AUTS2: variants seen among roughly 807,000 people sequenced by gnomAD.
AUTS2 encodes autism susceptibility gene 2 protein.
In AUTS2, 17 loss-of-function variants were observed where a neutral mutation model predicts 112.4. The ratio of observed to expected loss-of-function variants is 0.15; its 90% CI spans 0.10 to 0.23. The LOEUF (loss-of-function observed/expected upper bound fraction) is 0.23, where lower values mean the gene tolerates loss of function less well. Among genes scored for constraint, AUTS2 ranks in the 10% least tolerant of loss-of-function variants. AUTS2 has a pLI of 1.00. For missense variants in AUTS2, 1,510 were observed against 1,701.6 expected, an observed-to-expected ratio of 0.89 and a Z score of 1.98; for synonymous variants, 751 against 702.7, an observed-to-expected ratio of 1.07 and a Z score of -1.09.
At chr7:69,886,131 A>G (rs1794260146) in intron 1 of AUTS2, among the ~76,000 whole-genome samples, 1 of 152,212 alleles carries the variant, frequency 6.6e-6, no homozygotes. Flanking sequence ...CCCTACATTT[A>G]TAGGTATTGA....
At chr7:70,661,714 T>A (rs1380081959) in intron 5 of AUTS2, among the ~76,000 whole-genome samples, 1 of 151,758 alleles carries the variant, frequency 6.6e-6, no homozygotes, top group African/African-American at 2.4e-5. Flanking sequence ...AATCTGTAGA[T>A]CTGTAGATCG....
intron 1 of AUTS2, among the ~76,000 whole-genome samples, chr7:69,876,767 C>T (rs1309257884): frequency 6.6e-6 from 1 of 151,640 alleles, no homozygotes; most frequent in Non-Finnish European, 1.5e-5. Context: ...AGTACATTGA[C>T]CTAGTAGTAT....
At chr7:70,055,427 T>C (rs921665293) in intron 2 of AUTS2, among the ~76,000 whole-genome samples, 13 of 151,178 alleles carry the variant, frequency 8.6e-5, no homozygotes, top group Admixed American at 7.9e-4. Flanking sequence ...AGAGCAAAAC[T>C]CCATCTCAAA....
At chr7:69,817,868 A>G (rs1790830516) in intron 1 of AUTS2, among the ~76,000 whole-genome samples, 1 of 152,126 alleles carries the variant, frequency 6.6e-6, no homozygotes, top group Non-Finnish European at 1.5e-5. Flanking sequence ...AAGCTACCTA[A>G]TAATATCTTT....
chr7:70,689,449 C>G (rs1808636182), intron 5 of AUTS2, among the ~76,000 whole-genome samples: 1 of 151,978 alleles, frequency 6.6e-6, no homozygotes, highest in African/African-American at 2.4e-5. Context: ...CTGACCCTGT[C>G]TGGAGGGATT....
At chr7:70,742,713 G>A (rs1788189776) in intron 6 of AUTS2, among the ~76,000 whole-genome samples, 1 of 152,192 alleles carries the variant, frequency 6.6e-6, no homozygotes, top group African/African-American at 2.4e-5. Context: ...AGTGAGCCGA[G>A]ATCGCGCCCT....
At chr7:69,740,209 T>C (rs191447660) in intron 1 of AUTS2, among the ~76,000 whole-genome samples, 90 of 151,968 alleles carry the variant, frequency 5.9e-4, no homozygotes, top group South Asian at 1.0e-3. Flanking sequence ...GCTTCTTCGA[T>C]GTTCTGTGGA....
chr7:70,282,141 G>A (rs1049851529), intron 4 of AUTS2, among the ~76,000 whole-genome samples: 9 of 152,130 alleles, frequency 5.9e-5, no homozygotes, highest in Admixed American at 6.5e-5. Flanking sequence ...TGTGGGGCTT[G>A]CCTTGTTTCA....
intron 1 of AUTS2, among the ~76,000 whole-genome samples, chr7:69,617,864 G>C (rs1793461325): frequency 6.6e-6 from 1 of 152,132 alleles, no homozygotes; most frequent in African/African-American, 2.4e-5. Context: ...GAATTCCAGT[G>C]CCCAGTCATC....
At chr7:70,000,374 G>A (rs1225051790) in intron 2 of AUTS2, among the ~76,000 whole-genome samples, 3 of 152,132 alleles carry the variant, frequency 2.0e-5, no homozygotes, top group Non-Finnish European at 4.4e-5. Context: ...CTGTTCTCTG[G>A]CATTTAAATA....
At chr7:70,569,916 C>G (rs1024696152) in intron 5 of AUTS2, among the ~76,000 whole-genome samples, 1 of 151,238 alleles carries the variant, frequency 6.6e-6, no homozygotes, top group African/African-American at 2.4e-5. Flanking sequence ...TTTTTTTCTC[C>G]CAAAACAAAA....
intron 1 of AUTS2, among the ~76,000 whole-genome samples, chr7:69,728,310 T>C (rs1786616494): frequency 6.6e-6 from 1 of 152,228 alleles, no homozygotes; most frequent in South Asian, 2.1e-4. Context: ...CCTGCTGCAG[T>C]GCAGCCAACA....
At chr7:69,755,949 C>T (rs963063200) in intron 1 of AUTS2, among the ~76,000 whole-genome samples, 3 of 152,182 alleles carry the variant, frequency 2.0e-5, no homozygotes, top group African/African-American at 4.8e-5. Flanking sequence ...CCCTGGATGC[C>T]ATGCACCATC....
At chr7:70,711,555 T>C (rs979281575) in intron 6 of AUTS2, among the ~76,000 whole-genome samples, 11 of 152,306 alleles carry the variant, frequency 7.2e-5, no homozygotes, top group African/African-American at 2.6e-4. Flanking sequence ...CTGCCATCAG[T>C]GTCGGAGCAC....
At chr7:70,363,969 G>T (rs2129627940) in intron 4 of AUTS2, among the ~76,000 whole-genome samples, 1 of 152,258 alleles carries the variant, frequency 6.6e-6, no homozygotes, top group South Asian at 2.1e-4. Context: ...CAGAGCCAGA[G>T]ACCATGCCTT....
intron 2 of AUTS2, among the ~76,000 whole-genome samples, chr7:69,965,435 T>A (rs1242963724): frequency 2.0e-5 from 3 of 152,106 alleles, no homozygotes; most frequent in African/African-American, 7.2e-5. Context: ...AGACCTCTAA[T>A]TCAGAGGGAG....
At chr7:69,801,884 A>G (rs1407683152) in intron 1 of AUTS2, among the ~76,000 whole-genome samples, 1 of 152,144 alleles carries the variant, frequency 6.6e-6, no homozygotes, top group Non-Finnish European at 1.5e-5. Context: ...GGGGCCAGGA[A>G]ATGATGTGAT....
At position 70,487,229 on chromosome 7, in the gene AUTS2, G is replaced by A. The variant is rs924734048; in HGVS notation, c.690+51448G>A. Among the ~76,000 whole-genome samples, 40 of 150,936 alleles carry A rather than the reference G, an allele frequency of 2.7e-4. 1 individual carries two copies. The highest frequency in any genetic ancestry group is 1.3e-3 in the Admixed American group (20 of 15,194). On this transcript the variant is annotated intron_variant, in intron 5 of 18. Transcript: ENST00000342771. The stretch of plus-strand genomic sequence containing the variant: ...CCTCATCCTTCTCCTTTCCTCCCCC[G>A]CGCCCCCCTCCCAGCCAACCCTCCA...
chr7:70,487,408 T>C (rs976920985), intron 5 of AUTS2, among the ~76,000 whole-genome samples: 1 of 152,204 alleles, frequency 6.6e-6, no homozygotes, highest in African/African-American at 2.4e-5. Flanking sequence ...GACTAAATAA[T>C]GAGCCCAGGG....
Sources: allele counts gnomAD v4.1 joint callset (sites outside exome capture counted in the v4.1 genomes callset), GRCh38; gene constraint gnomAD v4.1.1; transcripts MANE v1.5; gene names NCBI Gene and HGNC (gene_info 2026-07-23, HGNC 2026-07-21).